The following TRIP12 variants were observed in gnomAD, a reference collection of about 807,000 sequenced individuals.
TRIP12 encodes the protein thyroid hormone receptor interactor 12.
In TRIP12, 25 loss-of-function variants were observed where a neutral mutation model predicts 244.2. The ratio of observed to expected loss-of-function variants is 0.10; its 90% CI spans 0.07 to 0.14. The LOEUF (loss-of-function observed/expected upper bound fraction) is 0.14. Among genes scored for constraint, TRIP12 ranks in the 10% least tolerant of loss-of-function variants. The pLI is 1.00. For synonymous variants in TRIP12, 905 were observed against 873.1 expected (o/e 1.04, Z -0.64); for missense variants, 1,677 against 2,486.4 (o/e 0.67, Z 6.92).
In TRIP12 at chr2:229,917,803, G is replaced by A. The variant is rs201364105; in HGVS notation, c.-50+4077C>T. Among the ~76,000 whole-genome samples the A allele has an allele frequency of 1.1e-4, 17 of 152,166 alleles. No individual in the cohort carries two copies. The East Asian group carries it at 2.1e-3, about 19-fold the overall frequency. ...ATCTCTGGGTTCAAGCAATACTTCC[G>A]CTTCAGCCTCCAAAGTTGCCTAGAA... On this transcript the variant is annotated intron_variant, in intron 1 of 41. Coordinates refer to ENST00000675903, the MANE Select transcript of TRIP12 (RefSeq NM_001348323.3).
intron 1 of TRIP12, among the ~76,000 whole-genome samples, chr2:229,904,398 A>T (rs2154372263): frequency 7.3e-6 from 1 of 137,844 alleles, no homozygotes. Context: ...AGCCTGGGAA[A>T]GAGTGAGACT....
chr2:229,915,156 G>A (rs1414286164), intron 1 of TRIP12, among the ~76,000 whole-genome samples: 2 of 152,122 alleles, frequency 1.3e-5, no homozygotes, highest in Non-Finnish European at 2.9e-5. Context: ...GGAGGCTGAG[G>A]CAGGAGGATT....
chr2:229,765,131 G>C lies in TRIP12; in HGVS notation c.*2423C>G, dbSNP rs1345357009. 1 of 152,108 alleles carries C rather than the reference G, an allele frequency of 6.6e-6. No individual in the cohort carries two copies. The highest frequency in any genetic ancestry group is 2.4e-5 in the African/African-American group (1 of 41,408). 9.4% of individuals were successfully genotyped at this position (152,108 alleles called of 1,614,324 possible). A position where few individuals can be genotyped will look rare whatever the true frequency, so the allele number is the denominator to read the frequency against. Reference sequence around the variant, plus strand: ...TACGTTCTCATATATAAAGCAGATCGAATCAGTAACTGTCTAAATGACAAC... The same window carrying C: ...TACGTTCTCATATATAAAGCAGATCCAATCAGTAACTGTCTAAATGACAAC... On this transcript the variant is annotated 3_prime_UTR_variant, in exon 42 of 42. Coordinates refer to ENST00000675903, the MANE Select transcript of TRIP12 (RefSeq NM_001348323.3).
chr2:229,851,434 A>G (rs1362920927), intron 4 of TRIP12, among the ~76,000 whole-genome samples: 2 of 152,106 alleles, frequency 1.3e-5, no homozygotes, highest in Non-Finnish European at 2.9e-5. Flanking sequence ...TTGTAAATGC[A>G]CCAATTAGCA....
intron 2 of TRIP12, 134 bp downstream of exon 2, chr2:229,879,848 A>C: frequency 1.0e-6 from 1 of 961,466 alleles, no homozygotes; most frequent in Non-Finnish European, 1.6e-6. Flanking sequence ...GTTTGCTTTT[A>C]AGTACCTGGC....
chr2:229,858,731 ACTTT>A (rs755218566), intron 4 of TRIP12, 37 bp downstream of exon 4: 46 of 1,502,598 alleles, frequency 3.1e-5, no homozygotes, highest in South Asian at 7.9e-5. Flanking sequence ...ACCAAGAGAA[ACTTT>A]CTTTAATTAA....
chr2:229,918,101 CGAAG>C (rs1342002833), intron 1 of TRIP12, among the ~76,000 whole-genome samples: 1 of 152,142 alleles, frequency 6.6e-6, no homozygotes, highest in Non-Finnish European at 1.5e-5. Flanking sequence ...AATGCAGAAA[CGAAG>C]CAAGTACAGT....
chr2:229,888,703 T>G (rs2066594395), intron 1 of TRIP12, among the ~76,000 whole-genome samples: 1 of 152,108 alleles, frequency 6.6e-6, no homozygotes, highest in African/African-American at 2.4e-5. Context: ...CTCAGGAGGC[T>G]GAGGTGGAAG....
intron 2 of TRIP12, among the ~76,000 whole-genome samples, chr2:229,867,217 G>GTGT (rs2061711268): frequency 7.1e-6 from 1 of 141,810 alleles, no homozygotes; most frequent in Admixed American, 7.5e-5. Context: ...CCAGGCTGAA[G>GTGT]TGTAGTGGCA....
At chr2:229,783,783 A>G (rs1027467957) in intron 34 of TRIP12, among the ~76,000 whole-genome samples, 1 of 151,572 alleles carries the variant, frequency 6.6e-6, no homozygotes, top group Non-Finnish European at 1.5e-5. Flanking sequence ...ACATGAAATA[A>G]AAGTTGAAAA....
chr2:229,794,068 C>T (rs1395502666), intron 26 of TRIP12, among the ~76,000 whole-genome samples: 1 of 152,094 alleles, frequency 6.6e-6, no homozygotes, highest in Non-Finnish European at 1.5e-5. Flanking sequence ...TCATGATTTT[C>T]TCAAGCACAG....
At chr2:229,798,772 TGTGTCTATGTATC>T in intron 23 of TRIP12, 90 bp downstream of exon 23, 1 of 1,225,730 alleles carries the variant, frequency 8.2e-7, no homozygotes, top group East Asian at 2.3e-5. Flanking sequence ...ATTAAAGTGC[TGTGTCTATGTATC>T]GTCTCCACAC....
At position 229,797,684 on chromosome 2, in the gene TRIP12, CA is replaced by C; in HGVS notation, c.3624+5del. ...AAAGACCAGCAAAATGCACTGGACA[CA>C]GCACCTGGAGGTTGAGTTGTTCGGT... On this transcript the variant is annotated splice_donor_5th_base_variant and intron_variant, in intron 24 of 41. Coordinates refer to ENST00000675903, the MANE Select transcript of TRIP12 (RefSeq NM_001348323.3). 1 of 1,612,988 alleles carries C rather than the reference CA, an allele frequency of 6.2e-7. No homozygotes were observed.
chr2:229,900,358 T>G (rs568550434), intron 1 of TRIP12, among the ~76,000 whole-genome samples: 70 of 152,342 alleles, frequency 4.6e-4, no homozygotes, highest in African/African-American at 1.7e-3. Context: ...AAACGTATTT[T>G]CTAGTTAACG....
chr2:229,791,517 G>T (rs2041527262), intron 29 of TRIP12, among the ~76,000 whole-genome samples: 1 of 152,176 alleles, frequency 6.6e-6, no homozygotes, highest in Non-Finnish European at 1.5e-5. Context: ...AGACAATGCA[G>T]GAAGCTGCAT....
intron 2 of TRIP12, among the ~76,000 whole-genome samples, chr2:229,874,413 T>C (rs1434291094): frequency 6.6e-6 from 1 of 152,134 alleles, no homozygotes. Flanking sequence ...TGTAAACCCA[T>C]TTTCAAGAAT....
Position 229,796,619 on chromosome 2 carries a change from C to A in TRIP12, c.3788G>T (p.Arg1263Leu). Residue 1263 changes from arginine to leucine, a missense_variant, in exon 25 of 42, where the codon CGA (arginine) becomes CTA (leucine). Physicochemically the swap from Arg to Leu is moderately radical, Grantham distance 102. Coordinates refer to ENST00000675903, the MANE Select transcript of TRIP12 (RefSeq NM_001348323.3). ...AGAAGAAAAAAATACATGAAGAAAT[C>A]GCTTTAATCTGATCTCTCTGCTCAC... ...DAVSREIRLK[R>L]FLHVFFSSPL... 2 of 1,590,988 alleles carry A rather than the reference C, an allele frequency of 1.3e-6. No individual in the cohort carries two copies. Among genetic ancestry groups the A allele is most frequent in the Non-Finnish European group, 8.5e-7 (1 of 1,173,874 alleles).
intron 4 of TRIP12, among the ~76,000 whole-genome samples, chr2:229,846,555 C>T (rs2057621917): frequency 6.6e-6 from 1 of 151,742 alleles, no homozygotes; most frequent in Non-Finnish European, 1.5e-5. Flanking sequence ...CAAAAAAATT[C>T]ATGGAACTCA....
rs138982640 is a variant in TRIP12 at position 229,770,814 on chromosome 2, A to C, written c.5808+705T>G. 3.0e-3 allele frequency among the ~76,000 whole-genome samples: 455 copies of C among 152,268 alleles called. 2 individuals are homozygous for C. Among genetic ancestry groups the C allele is most frequent in the African/African-American group, 0.01 (436 of 41,554 alleles). On this transcript the variant is annotated intron_variant, in intron 39 of 41. Transcript: ENST00000675903. ...ATGTCTCACGAGATCTGATGGTTTC[A>C]AAAAGGGGAGTTTCCCCGCACAAGC...
Sources: allele counts gnomAD v4.1 joint callset (sites outside exome capture counted in the v4.1 genomes callset), GRCh38; gene constraint gnomAD v4.1.1; transcripts MANE v1.5; gene names NCBI Gene and HGNC (gene_info 2026-07-23, HGNC 2026-07-21).